RGS6: variants seen among roughly 807,000 people sequenced by gnomAD.
RGS6 encodes the protein regulator of G protein signaling 6, also known as regulator of G-protein signaling 6.
Under a neutral mutation model 78.5 loss-of-function variants are expected in RGS6, and 30 were observed. That is an observed-to-expected ratio of 0.38 (90% CI 0.29 to 0.52). The LOEUF (loss-of-function observed/expected upper bound fraction) is 0.52, where lower values mean the gene tolerates loss of function less well. Among genes scored for constraint, RGS6 ranks in the 20% least tolerant of loss-of-function variants. The pLI is 0.85. For missense variants in RGS6, 495 were observed against 609.7 expected, an observed-to-expected ratio of 0.81 and a Z score of 1.98; for synonymous variants, 206 against 206.0, an observed-to-expected ratio of 1.00 and a Z score of 0.00.
chr14:72,052,395 A>G (rs188191384), intron 2 of RGS6, among the ~76,000 whole-genome samples: 22 of 152,338 alleles, frequency 1.4e-4, no homozygotes, highest in Admixed American at 3.9e-4. Flanking sequence ...CCCACTTTTC[A>G]TAATGTACTG....
At chr14:72,373,546 A>G (rs1230695565) in intron 3 of RGS6, among the ~76,000 whole-genome samples, 2 of 152,198 alleles carry the variant, frequency 1.3e-5, no homozygotes, top group Non-Finnish European at 2.9e-5. Context: ...TGAATTTTAA[A>G]AGCCTATATG....
intron 1 of RGS6, among the ~76,000 whole-genome samples, chr14:71,941,732 C>T (rs1001264740): frequency 2.6e-5 from 4 of 152,260 alleles, no homozygotes; most frequent in African/African-American, 7.2e-5. Flanking sequence ...AGATTGTGCC[C>T]ACCAGATTAA....
intron 3 of RGS6, among the ~76,000 whole-genome samples, chr14:72,434,699 C>T (rs948922489): frequency 1.3e-5 from 2 of 152,028 alleles, no homozygotes; most frequent in Non-Finnish European, 2.9e-5. Flanking sequence ...TCAACATAGT[C>T]CTAGAATATA....
At chr14:72,187,094 G>A (rs2097257730) in intron 2 of RGS6, among the ~76,000 whole-genome samples, 1 of 152,154 alleles carries the variant, frequency 6.6e-6, no homozygotes, top group Admixed American at 6.6e-5. Context: ...GCTTTAAAGG[G>A]CTTAGAAAAT....
chr14:72,031,834 T>C (rs977210973), intron 2 of RGS6, among the ~76,000 whole-genome samples: 1 of 151,954 alleles, frequency 6.6e-6, no homozygotes, highest in African/African-American at 2.4e-5. Flanking sequence ...TCCAGATTGC[T>C]ACTGACAACA....
intron 3 of RGS6, chr14:72,421,719 A>G (rs2239214): frequency 0.13 from 20,091 of 152,166 alleles, 1,665 homozygotes; most frequent in East Asian, 0.44. Context: ...AGTATTCATC[A>G]CTGAGGTATT....
chr14:72,089,368 G>A (rs1279967173), intron 2 of RGS6, among the ~76,000 whole-genome samples: 8 of 152,200 alleles, frequency 5.3e-5, no homozygotes, highest in African/African-American at 9.6e-5. Context: ...TTTAATAAAC[G>A]CTGTGACCCA....
At chr14:72,093,868 A>T (rs2095341262) in intron 2 of RGS6, among the ~76,000 whole-genome samples, 1 of 152,198 alleles carries the variant, frequency 6.6e-6, no homozygotes, top group Non-Finnish European at 1.5e-5. Flanking sequence ...TTCAGTAAAT[A>T]TTGATTGACT....
chr14:72,137,228 C>G lies in RGS6; in HGVS notation c.84+172353C>G, dbSNP rs140931860. ...TCCACATTGACATTTGTGCTGGGAG[C>G]CTTACATATATGATTTTGTAAAACC... is the stretch of plus-strand genomic sequence containing the variant. On this transcript the variant is annotated intron_variant, in intron 2 of 17. Transcript: ENST00000553525. 8.0e-3 allele frequency among the ~76,000 whole-genome samples: 1,224 copies of G among 152,264 alleles called. 16 individuals are homozygous for G. Among genetic ancestry groups the G allele is most frequent in the African/African-American group, 0.026 (1,096 of 41,534 alleles).
At chr14:72,336,122 A>G (rs1404741265) in intron 2 of RGS6, among the ~76,000 whole-genome samples, 1 of 152,204 alleles carries the variant, frequency 6.6e-6, no homozygotes, top group Non-Finnish European at 1.5e-5. Flanking sequence ...ATTGCAAAGT[A>G]TCTTCTATTT....
chr14:72,063,445 G>C (rs2093988049), intron 2 of RGS6, among the ~76,000 whole-genome samples: 1 of 152,154 alleles, frequency 6.6e-6, no homozygotes, highest in Non-Finnish European at 1.5e-5. Context: ...TTGATTGGGT[G>C]GGGGCACAAG....
At chr14:72,480,989 C>G (rs1308654644) in intron 12 of RGS6, among the ~76,000 whole-genome samples, 1 of 152,108 alleles carries the variant, frequency 6.6e-6, no homozygotes, top group Admixed American at 6.5e-5. Flanking sequence ...GCATCCAGAC[C>G]AGCAGGGAGG....
chr14:71,910,069 A>C, the RGS6 span, among the ~76,000 whole-genome samples: 1 of 152,190 alleles, frequency 6.6e-6, no homozygotes, highest in South Asian at 2.1e-4. Flanking sequence ...ACGCGCCTGG[A>C]ATCCCAGCTA....
At chr14:72,269,000 G>A (rs1170450609) in intron 2 of RGS6, among the ~76,000 whole-genome samples, 5 of 152,180 alleles carry the variant, frequency 3.3e-5, no homozygotes. Context: ...CAGTGGCAGT[G>A]CCATCTTTCC....
In RGS6 at chr14:72,562,426, C is replaced by T. The variant is rs759295828; in HGVS notation, c.1432C>T (p.Leu478=). The T allele has an allele frequency of 6.2e-7, 1 of 1,612,944 alleles. No homozygotes were observed. Among genetic ancestry groups the T allele is most frequent in the South Asian group, 1.1e-5 (1 of 91,088 alleles). ...EKFTRSVGKS[L]AGKRLTGLMQ... is the part of the protein sequence containing the mutation. ...CGCTGTCTCTCTGCAGGGAAAGTCG[C>T]TGGCGGGCAAGCGCCTCACGGGCCT... Residue 478 remains leucine (L), a synonymous_variant, in exon 18 of 18, where the codon CTG becomes TTG. Transcript: ENST00000553525.
At chr14:71,951,278 C>T in intron 1 of RGS6, among the ~76,000 whole-genome samples, 1 of 152,036 alleles carries the variant, frequency 6.6e-6, no homozygotes, top group South Asian at 2.1e-4. Flanking sequence ...GAGCGGAAAT[C>T]CATTATCCCC....
At chr14:72,366,681 C>T (rs1193185570) in intron 3 of RGS6, among the ~76,000 whole-genome samples, 1 of 152,190 alleles carries the variant, frequency 6.6e-6, no homozygotes, top group African/African-American at 2.4e-5. Flanking sequence ...GACCAACCTC[C>T]TCAGACCCTC....
chr14:72,356,333 G>A (rs1013468709), intron 3 of RGS6, among the ~76,000 whole-genome samples: 2 of 152,124 alleles, frequency 1.3e-5, no homozygotes. Flanking sequence ...CTCTCCTGCC[G>A]CTATGTAAGA....
chr14:72,067,920 C>T (rs912263441), intron 2 of RGS6, among the ~76,000 whole-genome samples: 5 of 152,080 alleles, frequency 3.3e-5, no homozygotes, highest in Non-Finnish European at 5.9e-5. Flanking sequence ...GGTGCTACCA[C>T]GAAGCTGCTG....
Sources: gnomAD v4.1 joint callset for allele counts (sites outside exome capture counted in the v4.1 genomes callset) on GRCh38, gnomAD v4.1.1 for gene constraint, MANE v1.5 for transcripts, NCBI Gene and HGNC (gene_info 2026-07-23, HGNC 2026-07-21) for gene names.